The following EMC2 variants were observed in gnomAD, a reference collection of about 807,000 sequenced individuals.
The protein encoded by EMC2 is TPR repeat protein 35.
In EMC2, 37 loss-of-function variants were observed where a neutral mutation model predicts 51.6. The observed-to-expected ratio is 0.72, with a 90% CI of 0.55 to 0.94. The LOEUF is 0.94. EMC2 is among the 40% of genes least tolerant of loss of function. The probability of loss-of-function intolerance (pLI) is 0.00; values close to 1 mark genes in which losing one functional copy is unlikely to be tolerated. For missense variants in EMC2, 359 were observed against 350.9 expected, an observed-to-expected ratio of 1.02 and a Z score of -0.18; for synonymous variants, 131 against 112.4, an observed-to-expected ratio of 1.17 and a Z score of -1.04.
rs534538891 is a variant in EMC2, at chr8:108,485,403, G to A, written c.808-1109G>A. Among the ~76,000 whole-genome samples, 591 of 143,608 alleles carry A rather than the reference G, an allele frequency of 4.1e-3. 3 individuals carry two copies. The highest frequency in any genetic ancestry group is 0.023 in the Middle Eastern group (6 of 256). 94.2% of individuals were successfully genotyped at this position (143,608 alleles called of 152,430 possible). The stretch of plus-strand genomic sequence containing the variant: ...TCATATTTAACCAGGGAGAAAATGG[G>A]TAACATATATATATATAAAATATAT... On this transcript the variant is annotated intron_variant, in intron 10 of 10. Coordinates refer to ENST00000220853, the MANE Select transcript of EMC2 (RefSeq NM_014673.5).
In EMC2 at chr8:108,449,868, A is replaced by G. The variant is rs1818973548; in HGVS notation, c.86A>G (p.Asn29Ser). The change falls in exon 2 of 11, where the codon AAT becomes AGT. Residue 29 changes from asparagine to serine, a missense_variant. Asn to Ser is a conservative substitution (Grantham distance 46, BLOSUM62 1). Coordinates refer to ENST00000220853, the MANE Select transcript of EMC2 (RefSeq NM_014673.5). ...MRKWREENSR[N>S]SEQIVEVGEE... is the part of the protein sequence containing the mutation. ...AAATGGAGAGAAGAAAACTCAAGAA[A>G]TAGTGAGCAAATTGTGGAAGTTGGA... 1 of 1,595,788 alleles carries G rather than the reference A, an allele frequency of 6.3e-7. No individual in the cohort carries two copies. The highest frequency in any genetic ancestry group is 8.6e-7 in the Non-Finnish European group (1 of 1,164,796).
chr8:108,486,649 A>C lies in EMC2; in HGVS notation c.*51A>C, dbSNP rs1403338888. On this transcript the variant is annotated 3_prime_UTR_variant, in exon 11 of 11. Transcript: ENST00000220853. Reference sequence around the variant, plus strand: ...ATTTCACAACTGCACAATTGAACTTATTGGCCTGTAACTTATTTACTAAAT... The same window carrying C: ...ATTTCACAACTGCACAATTGAACTTCTTGGCCTGTAACTTATTTACTAAAT... 6.5e-7 allele frequency: 1 copy of C among 1,529,098 alleles called. No homozygotes were observed. Among genetic ancestry groups the C allele is most frequent in the African/African-American group, 1.4e-5 (1 of 71,360 alleles). 94.7% of individuals were successfully genotyped at this position (1,529,098 alleles called of 1,614,324 possible). A position where few individuals can be genotyped will look rare whatever the true frequency, so the allele number is the denominator to read the frequency against.
chr8:108,485,530 A>G (rs1811122016), intron 10 of EMC2, among the ~76,000 whole-genome samples: 2 of 108,528 alleles, frequency 1.8e-5, no homozygotes, highest in African/African-American at 8.0e-5. Context: ...ATACATATAT[A>G]TAATATATAT....
chr8:108,473,608 A>G (rs1211502045), intron 7 of EMC2, among the ~76,000 whole-genome samples: 2 of 152,060 alleles, frequency 1.3e-5, no homozygotes, highest in Non-Finnish European at 2.9e-5. Context: ...AGTTAGTATT[A>G]TACATTAATT....
At chr8:108,456,332 CAAAAAAA>C in intron 5 of EMC2, among the ~76,000 whole-genome samples, 1 of 23,608 alleles carries the variant, frequency 4.2e-5, no homozygotes, top group East Asian at 1.1e-3. Flanking sequence ...GACTTCGTGT[CAAAAAAA>C]AAAAAAAAGA....
intron 1 of EMC2, among the ~76,000 whole-genome samples, chr8:108,445,776 T>C (rs1365401598): frequency 6.6e-6 from 1 of 152,236 alleles, no homozygotes; most frequent in Non-Finnish European, 1.5e-5. Flanking sequence ...CCCTAGAGCC[T>C]GACACATGGG....
intron 5 of EMC2, among the ~76,000 whole-genome samples, chr8:108,459,536 T>G (rs1342669149): frequency 6.6e-6 from 1 of 152,108 alleles, no homozygotes; most frequent in Non-Finnish European, 1.5e-5. Flanking sequence ...AAACTCCCAT[T>G]TTAAAACTAT....
intron 10 of EMC2, among the ~76,000 whole-genome samples, chr8:108,484,140 A>G (rs771226533): frequency 7.9e-5 from 12 of 152,134 alleles, no homozygotes; most frequent in Non-Finnish European, 1.5e-4. Context: ...CCTACTCACA[A>G]TGATTTTCCA....
chr8:108,455,931 G>A lies in EMC2; in HGVS notation c.363+1G>A. On this transcript the variant is annotated splice_donor_variant, in intron 5 of 10. Coordinates refer to ENST00000220853, the MANE Select transcript of EMC2 (RefSeq NM_014673.5). LOFTEE classifies it high-confidence loss of function. ...TTTACAAGAAGATCCAACTAACACT[G>A]TAAGTTGGCAGATTGTCTTGAAAAA... The A allele has an allele frequency of 7.5e-7, 1 of 1,331,534 alleles. No homozygotes were observed. The highest frequency in any genetic ancestry group is 1.0e-6 in the Non-Finnish European group (1 of 982,506). 82.5% of individuals were successfully genotyped at this position (1,331,534 alleles called of 1,614,324 possible). A position where few individuals can be genotyped will look rare whatever the true frequency, so the allele number is the denominator to read the frequency against.
At chr8:108,456,359 A>AAAAAAC (rs1819158373) in intron 5 of EMC2, among the ~76,000 whole-genome samples, 2 of 150,050 alleles carry the variant, frequency 1.3e-5, no homozygotes, top group African/African-American at 4.9e-5. Flanking sequence ...AAAAAAAAAA[A>AAAAAAC]AACAACTTCT....
intron 7 of EMC2, chr8:108,474,403 A>G (rs965777753): frequency 6.6e-6 from 1 of 151,974 alleles, no homozygotes; most frequent in African/African-American, 2.4e-5. Context: ...ATAAATATAT[A>G]TTAGGTAGGT....
At chr8:108,466,566 C>T (rs898520433) in intron 5 of EMC2, among the ~76,000 whole-genome samples, 4 of 151,044 alleles carry the variant, frequency 2.6e-5, no homozygotes, top group Non-Finnish European at 4.4e-5. Context: ...GATCTCCCAC[C>T]TCAGCTTCCT....
rs1438294393 is a variant in EMC2 at position 108,450,422 on chromosome 8, A to C, written c.155-6A>C. On this transcript the variant is annotated splice_polypyrimidine_tract_variant and splice_region_variant and intron_variant, in intron 2 of 10. Transcript: ENST00000220853. ...TCAGTTTTTTTCCCCCTTTATGTGT[A>C]TCTAGTTTGGATCATATATGAACAG... 3 of 1,576,028 alleles carry C rather than the reference A, an allele frequency of 1.9e-6. No individual in the cohort carries two copies. The highest frequency in any genetic ancestry group is 2.6e-6 in the Non-Finnish European group (3 of 1,145,832).
At chr8:108,443,768 T>C in intron 1 of EMC2, 70 bp downstream of exon 1, 1 of 1,381,968 alleles carries the variant, frequency 7.2e-7, no homozygotes, top group Non-Finnish European at 1.0e-6. Context: ...TACCCGCTGC[T>C]TTCGGGGAGC....
intron 9 of EMC2, among the ~76,000 whole-genome samples, chr8:108,477,423 T>C (rs1353597110): frequency 6.6e-6 from 1 of 151,952 alleles, no homozygotes; most frequent in African/African-American, 2.4e-5. Context: ...CTGTGGGAAA[T>C]AGAGGAATAA....
chr8:108,443,629 C>T lies in EMC2; in HGVS notation c.-30C>T, dbSNP rs768201876. Reference sequence around the variant, plus strand: ...TCACGTGACTGCGTCTCCCCGCCCTCTCACCCCGCTGCCTCTAGGTTCTGG... The same window carrying T: ...TCACGTGACTGCGTCTCCCCGCCCTTTCACCCCGCTGCCTCTAGGTTCTGG... On this transcript the variant is annotated 5_prime_UTR_variant, in exon 1 of 11. Coordinates refer to ENST00000220853, the MANE Select transcript of EMC2 (RefSeq NM_014673.5). 1 of 1,599,256 alleles carries T rather than the reference C, an allele frequency of 6.3e-7. No individual in the cohort carries two copies. The highest frequency in any genetic ancestry group is 1.1e-5 in the South Asian group (1 of 88,666).
Position 108,476,682 on chromosome 8 carries a change from A to G in EMC2, c.592-100A>G, listed in dbSNP as rs1810952955. 6.7e-6 allele frequency: 4 copies of G among 598,784 alleles called. 1 individual carries two copies. The highest frequency in any genetic ancestry group is 2.8e-5 in the Admixed American group (1 of 35,630). The allele number at this position is 598,784 out of a possible 1,614,324, so 37.1% of individuals were successfully genotyped here. A position where few individuals can be genotyped will look rare whatever the true frequency, so the allele number is the denominator to read the frequency against. ...AACATCTTGTATTTGTTTACAGAGA[A>G]TATCTGTTTCGATTACTGAATGCCT... On this transcript the variant is annotated intron_variant, in intron 8 of 10. Transcript: ENST00000220853.
intron 1 of EMC2, among the ~76,000 whole-genome samples, chr8:108,444,733 G>T (rs1818836338): frequency 6.6e-6 from 1 of 152,066 alleles, no homozygotes; most frequent in Non-Finnish European, 1.5e-5. Context: ...TGACTTTATG[G>T]CCTCTAGCAC....
chr8:108,469,714 T>C, intron 5 of EMC2, 112 bp from the exon 6 acceptor site: 2 of 839,650 alleles, frequency 2.4e-6, no homozygotes, highest in African/African-American at 1.7e-5. Context: ...GCAGTAGTTC[T>C]ACAATGGAAT....
Sources: allele counts gnomAD v4.1 joint callset (sites outside exome capture counted in the v4.1 genomes callset), GRCh38; gene constraint gnomAD v4.1.1; transcripts MANE v1.5; gene names NCBI Gene and HGNC (gene_info 2026-07-23, HGNC 2026-07-21).